The following EP300 variants were observed in gnomAD, a reference collection of about 807,000 sequenced individuals.
EP300 encodes EP300 lysine acetyltransferase, also known as histone acetyltransferase p300.
EP300 carries 31 observed loss-of-function variants against 264.0 expected under a neutral mutation model. The observed-to-expected ratio is 0.12, with a 90% confidence interval of 0.09 to 0.16. EP300 has a LOEUF of 0.16. Among genes scored for constraint, EP300 ranks in the 10% least tolerant of loss-of-function variants. The pLI is 1.00. For missense variants in EP300, 2,766 were observed against 3,052.9 expected, an observed-to-expected ratio of 0.91 and a Z score of 2.21; for synonymous variants, 1,340 against 1,045.4, an observed-to-expected ratio of 1.28 and a Z score of -5.44.
intron 1 of EP300, among the ~76,000 whole-genome samples, chr22:41,095,517 C>T (rs762950783): frequency 6.6e-6 from 1 of 151,840 alleles, no homozygotes; most frequent in African/African-American, 2.4e-5. Flanking sequence ...CAGGTATGAG[C>T]CGCCCGGCCA....
Position 41,178,665 on chromosome 22 carries a change from A to G in EP300, c.6954A>G (p.Pro2318=), listed in dbSNP as rs779544216. 10 of 1,614,032 alleles carry G rather than the reference A, an allele frequency of 6.2e-6. No homozygotes were observed. Among genetic ancestry groups the G allele is most frequent in the Non-Finnish European group, 8.5e-6 (10 of 1,180,002 alleles). ...RSPQPVPSPR[P]QSQPPHSSPS... ...CCCAGCCTGTCCCTTCTCCACGGCCACAGTCCCAGCCCCCCCACTCCAGTC... is the reference window on the plus strand; with the variant it reads ...CCCAGCCTGTCCCTTCTCCACGGCCGCAGTCCCAGCCCCCCCACTCCAGTC... Residue 2318 remains proline, a synonymous_variant, in exon 31 of 31, where the codon CCA becomes CCG. Transcript: ENST00000263253.
At chr22:41,094,006 A>C (rs748365718) in intron 1 of EP300, among the ~76,000 whole-genome samples, 1 of 152,194 alleles carries the variant, frequency 6.6e-6, no homozygotes, top group African/African-American at 2.4e-5. Context: ...ATACTTGGAG[A>C]TCAAGATTTT....
rs1186535377 is a variant in EP300, at chr22:41,127,627, C to T, written c.1047C>T (p.His349=). ...QQQLVLLLHA[H]KCQRREQANG... ...AGCTTGTTCTCCTTTTGCATGCTCACAAGTGCCAGCGCCGGGAACAGGCCA... is the reference window on the plus strand; with the variant it reads ...AGCTTGTTCTCCTTTTGCATGCTCATAAGTGCCAGCGCCGGGAACAGGCCA... Residue 349 remains histidine (H), a synonymous_variant, in exon 4 of 31, where the codon CAC becomes CAT. Transcript: ENST00000263253. The T allele has an allele frequency of 6.2e-7, 1 of 1,614,084 alleles. No homozygotes were observed. The highest frequency in any genetic ancestry group is 1.7e-5 in the Admixed American group (1 of 59,998).
intron 1 of EP300, among the ~76,000 whole-genome samples, chr22:41,099,004 GT>G (rs2058716841): frequency 6.6e-6 from 1 of 152,160 alleles, no homozygotes; most frequent in African/African-American, 2.4e-5. Flanking sequence ...ATTGTTAACT[GT>G]TTTTAACTTT....
chr22:41,153,122 C>T (rs1346527833), intron 16 of EP300, among the ~76,000 whole-genome samples: 2 of 152,150 alleles, frequency 1.3e-5, no homozygotes, highest in Non-Finnish European at 2.9e-5. Context: ...AAGTAACTTT[C>T]CACAGGTTAC....
At chr22:41,104,474 GAC>G (rs1200047927) in intron 1 of EP300, among the ~76,000 whole-genome samples, 1 of 152,050 alleles carries the variant, frequency 6.6e-6, no homozygotes, top group South Asian at 2.1e-4. Context: ...ATTTTTAGTA[GAC>G]ACAGGGTTTT....
At chr22:41,131,729 A>G in intron 6 of EP300, 96 bp downstream of exon 6, 2 of 1,575,116 alleles carry the variant, frequency 1.3e-6, no homozygotes, top group East Asian at 4.5e-5. Context: ...TTTTTCTGCT[A>G]CATGATTTTT....
Position 41,149,954 on chromosome 22 carries a change from C to T in EP300, c.2573C>T (p.Thr858Ile), listed in dbSNP as rs751375792. 5.0e-6 allele frequency: 8 copies of T among 1,613,636 alleles called. No individual in the cohort carries two copies. In the African/African-American group the frequency reaches 5.3e-5, roughly 11 times the overall value. The change falls in exon 14 of 31, where the codon ACA becomes ATA. Residue 858 changes from threonine to isoleucine, a missense_variant. Transcript: ENST00000263253. ...GGGGCTCAGCAGCCACCAGCAACAA[C>T]AATTCCAGCCCCTGTTCCTACACCT... ...SIGAQQPPAT[T>I]IPAPVPTPPA...
chr22:41,167,900 C>T (rs1274430060), intron 23 of EP300, among the ~76,000 whole-genome samples: 3 of 130,960 alleles, frequency 2.3e-5, no homozygotes, highest in African/African-American at 8.8e-5. Flanking sequence ...CAGCTCACTG[C>T]AGCCTCTGCC....
chr22:41,164,398 G>A (rs1017055168), intron 22 of EP300, among the ~76,000 whole-genome samples: 2 of 151,924 alleles, frequency 1.3e-5, no homozygotes, highest in Admixed American at 6.6e-5. Context: ...AAATTATATT[G>A]TAGTTATTAC....
chr22:41,157,559 C>A, intron 18 of EP300, 151 bp downstream of exon 18: 3 of 984,586 alleles, frequency 3.0e-6, no homozygotes, highest in Non-Finnish European at 4.4e-6. Flanking sequence ...TCTTATTCTC[C>A]CAGGCTGGAG....
intron 1 of EP300, among the ~76,000 whole-genome samples, chr22:41,102,548 C>T (rs1045276293): frequency 6.6e-6 from 1 of 152,128 alleles, no homozygotes; most frequent in Non-Finnish European, 1.5e-5. Flanking sequence ...GCTTATAATA[C>T]AGGAATTTAG....
intron 6 of EP300, 42 bp from the exon 7 acceptor site, chr22:41,135,771 G>A: frequency 1.4e-6 from 2 of 1,395,952 alleles, no homozygotes; most frequent in East Asian, 2.3e-5. Context: ...TATGGTGGCT[G>A]TTGTATTTAT....
intron 10 of EP300, among the ~76,000 whole-genome samples, chr22:41,142,282 G>T (rs2058986996): frequency 6.6e-6 from 1 of 152,192 alleles, no homozygotes; most frequent in Admixed American, 6.5e-5. Flanking sequence ...ACGATCAGTA[G>T]ATTATAGGTG....
At chr22:41,171,746 G>T (rs1045049382) in intron 27 of EP300, among the ~76,000 whole-genome samples, 12 of 151,712 alleles carry the variant, frequency 7.9e-5, no homozygotes, top group African/African-American at 2.9e-4. Context: ...CGAGTAGCTG[G>T]GATTACAGGC....
rs2145734259 is a variant in EP300, at chr22:41,147,908, C to G, written c.2203C>G (p.His735Asp). 6.2e-7 allele frequency: 1 copy of G among 1,613,476 alleles called. No homozygotes were observed. Among genetic ancestry groups the G allele is most frequent in the South Asian group, 1.1e-5 (1 of 91,004 alleles). ...ACCCCGGCAAACCCCTCCTCTTCAG[C>G]ACCATGGACAGTTGGCTCAACCTGG... is the stretch of plus-strand genomic sequence containing the variant. ...IVPRQTPPLQ[H>D]HGQLAQPGAL... Residue 735 changes from histidine to aspartate, a missense_variant, in exon 12 of 31, where the codon CAC becomes GAC. His to Asp is a moderately conservative substitution (Grantham distance 81, BLOSUM62 -1). Coordinates refer to ENST00000263253, the MANE Select transcript of EP300 (RefSeq NM_001429.4).
chr22:41,135,221 C>T (rs142018922), intron 6 of EP300, among the ~76,000 whole-genome samples: 3 of 152,142 alleles, frequency 2.0e-5, no homozygotes, highest in South Asian at 2.1e-4. Flanking sequence ...TTCCATGTTA[C>T]GCAGAATGCA....
chr22:41,172,152 A>G (rs967842428), intron 27 of EP300, among the ~76,000 whole-genome samples: 2 of 152,296 alleles, frequency 1.3e-5, no homozygotes, highest in East Asian at 3.9e-4. Context: ...CATGCTTCAT[A>G]CCACATATTC....
intron 4 of EP300, 67 bp from the exon 5 acceptor site, chr22:41,129,823 C>A (rs1048052578): frequency 3.3e-6 from 4 of 1,218,730 alleles, no homozygotes; most frequent in African/African-American, 1.5e-5. Flanking sequence ...AAGTGGTCAA[C>A]AAGTTAGCTA....
Sources: gnomAD v4.1 joint callset for allele counts (sites outside exome capture counted in the v4.1 genomes callset) on GRCh38, gnomAD v4.1.1 for gene constraint, MANE v1.5 for transcripts, NCBI Gene and HGNC (gene_info 2026-07-23, HGNC 2026-07-21) for gene names.